Variants in CASQ2 observed in about 807,000 individuals in gnomAD.
The protein encoded by CASQ2 is calsequestrin 2, also known as calsequestrin-2.
In CASQ2, 49 loss-of-function variants were observed where a neutral mutation model predicts 46.5. That is an observed-to-expected ratio of 1.05 (90% CI 0.84 to 1.34). CASQ2 has a LOEUF of 1.34. CASQ2 is among the 40% of genes most tolerant of loss of function. The pLI is 0.00. For synonymous variants in CASQ2, 174 were observed against 168.5 expected (o/e 1.03, Z -0.25); for missense variants, 486 against 481.3 (o/e 1.01, Z -0.09).
chr1:115,764,996 A>G (rs1649085127), intron 1 of CASQ2, among the ~76,000 whole-genome samples: 1 of 152,206 alleles, frequency 6.6e-6, no homozygotes, highest in South Asian at 2.1e-4. Flanking sequence ...ATTTTAGGAA[A>G]AAGCTAGCAG....
intron 2 of CASQ2, among the ~76,000 whole-genome samples, chr1:115,742,759 C>T (rs1223949649): frequency 1.4e-5 from 2 of 147,236 alleles, no homozygotes; most frequent in African/African-American, 5.1e-5. Flanking sequence ...GGAGACAGAA[C>T]TCATTAAACT....
intron 8 of CASQ2, 55 bp from the exon 9 acceptor site, chr1:115,705,347 G>C: frequency 2.7e-6 from 3 of 1,130,042 alleles, no homozygotes; most frequent in Non-Finnish European, 4.0e-6. Flanking sequence ...AGCTTCTAAT[G>C]TGGAGAGCAG....
intron 1 of CASQ2, among the ~76,000 whole-genome samples, chr1:115,760,386 C>T (rs533584196): frequency 9.2e-5 from 14 of 152,270 alleles, no homozygotes; most frequent in African/African-American, 2.4e-4. Flanking sequence ...CCAAGTGATG[C>T]CATTTGCTAC....
intron 9 of CASQ2, 58 bp from the exon 10 acceptor site, chr1:115,703,053 C>T (rs1654258606): frequency 3.7e-6 from 5 of 1,360,448 alleles, no homozygotes; most frequent in South Asian, 2.4e-5. Flanking sequence ...CTGTTAAGGA[C>T]CCACCCGCCG....
chr1:115,716,695 A>C (rs1055510913), intron 8 of CASQ2, among the ~76,000 whole-genome samples: 1 of 152,176 alleles, frequency 6.6e-6, no homozygotes, highest in African/African-American at 2.4e-5. Flanking sequence ...AATCAACTGG[A>C]GAAAAAAATA....
intron 2 of CASQ2, among the ~76,000 whole-genome samples, chr1:115,741,991 G>A (rs1026837217): frequency 1.3e-5 from 2 of 152,074 alleles, no homozygotes; most frequent in Admixed American, 6.6e-5. Flanking sequence ...GCACATGGGC[G>A]GGAAATGGTA....
chr1:115,701,954 C>T (rs764086770), intron 10 of CASQ2, among the ~76,000 whole-genome samples: 6 of 150,930 alleles, frequency 4.0e-5, no homozygotes, highest in Non-Finnish European at 5.9e-5. Context: ...TGGAGTTTTG[C>T]TCTTGTTGCC....
At chr1:115,724,999 A>G (rs1325122053) in intron 7 of CASQ2, among the ~76,000 whole-genome samples, 1 of 152,222 alleles carries the variant, frequency 6.6e-6, no homozygotes, top group Non-Finnish European at 1.5e-5. Context: ...GTAGTACCAA[A>G]GAGGCTTGGA....
chr1:115,701,905 GC>G (rs1253978162), intron 10 of CASQ2, among the ~76,000 whole-genome samples: 1 of 151,686 alleles, frequency 6.6e-6, no homozygotes, highest in African/African-American at 2.4e-5. Context: ...GAAAGACATT[GC>G]TAACTGGCCC....
chr1:115,737,347 T>G (rs1228789161), intron 4 of CASQ2, among the ~76,000 whole-genome samples: 2 of 152,132 alleles, frequency 1.3e-5, no homozygotes, highest in Non-Finnish European at 2.9e-5. Context: ...GTGGGAAGAC[T>G]GGTTAAAGAA....
At chr1:115,767,203 C>T (rs1263578434) in intron 1 of CASQ2, among the ~76,000 whole-genome samples, 4 of 152,130 alleles carry the variant, frequency 2.6e-5, no homozygotes, top group South Asian at 2.1e-4. Context: ...GTGATTTGCT[C>T]ATTTCTATAA....
intron 6 of CASQ2, among the ~76,000 whole-genome samples, chr1:115,726,368 T>A (rs1376857060): frequency 1.3e-5 from 2 of 152,252 alleles, no homozygotes; most frequent in African/African-American, 2.4e-5. Flanking sequence ...CATTTGTTTA[T>A]ACATGATCCA....
chr1:115,704,742 T>C (rs1198711937), intron 9 of CASQ2, among the ~76,000 whole-genome samples: 1 of 152,216 alleles, frequency 6.6e-6, no homozygotes, highest in Non-Finnish European at 1.5e-5. Context: ...GAGAACACGA[T>C]GAACATGACA....
chr1:115,725,936 G>A (rs1647569376), intron 6 of CASQ2, among the ~76,000 whole-genome samples: 1 of 152,182 alleles, frequency 6.6e-6, no homozygotes, highest in South Asian at 2.1e-4. Flanking sequence ...GGGGAAAACA[G>A]GAAATCTCGG....
chr1:115,707,351 C>T (rs919769275), intron 8 of CASQ2, among the ~76,000 whole-genome samples: 1 of 152,146 alleles, frequency 6.6e-6, no homozygotes, highest in African/African-American at 2.4e-5. Flanking sequence ...TGGCCGGTGG[C>T]CACTTCTTGC....
chr1:115,727,167 T>C (rs374801373), intron 5 of CASQ2, 45 bp from the exon 6 acceptor site: 43 of 1,410,806 alleles, frequency 3.0e-5, no homozygotes, highest in Non-Finnish European at 4.2e-5. Context: ...AATACTAGTC[T>C]AGAATAGCAG....
In CASQ2 at chr1:115,717,869, A is replaced by G. The variant is rs762381137; in HGVS notation, c.809T>C (p.Ile270Thr). The change falls in exon 8 of 11, where the codon ATT becomes ACT. Residue 270 changes from isoleucine (I) to threonine (T), a missense_variant. By Grantham distance (89) the Ile-to-Thr change is moderately conservative. Transcript: ENST00000261448. The stretch of plus-strand genomic sequence containing the variant: ...ATCACTCTTCTCTGCAAAGGCCACA[A>G]TGTGGATCCCATTCAAATCATCTTC... ...TWEDDLNGIHIVAFAEKSDPD... is the reference protein window; with the variant it reads ...TWEDDLNGIHTVAFAEKSDPD... The G allele has an allele frequency of 4.3e-6, 7 of 1,611,474 alleles. No homozygotes were observed. Among genetic ancestry groups the G allele is most frequent in the South Asian group, 1.1e-5 (1 of 91,030 alleles).
chr1:115,717,652 C>G (rs1654746835), intron 8 of CASQ2, among the ~76,000 whole-genome samples, 188 bp downstream of exon 8: 1 of 152,206 alleles, frequency 6.6e-6, no homozygotes, highest in African/African-American at 2.4e-5. Flanking sequence ...TTGTTCACAC[C>G]TTTTCTTCTC....
chr1:115,741,183 T>C lies in CASQ2; in HGVS notation c.320-355A>G, dbSNP rs1648163670. Among the ~76,000 whole-genome samples the C allele has an allele frequency of 2.6e-5, 4 of 152,328 alleles. No individual in the cohort carries two copies. The South Asian group carries it at 8.3e-4, about 32-fold the overall frequency. On this transcript the variant is annotated intron_variant, in intron 2 of 10. Transcript: ENST00000261448. ...CTGACTCCTTAACCTTGCTTTAAAG[T>C]CCCTCCAAAATCTGTTTCCAAATCT...
Sources: gnomAD v4.1 joint callset for allele counts (sites outside exome capture counted in the v4.1 genomes callset) on GRCh38, gnomAD v4.1.1 for gene constraint, MANE v1.5 for transcripts, NCBI Gene and HGNC (gene_info 2026-07-23, HGNC 2026-07-21) for gene names.